SLC24A4: variants seen among roughly 807,000 people sequenced by gnomAD.
SLC24A4 encodes the protein solute carrier family 24 member 4.
A neutral mutation model predicts 79.0 loss-of-function variants in SLC24A4; 53 were observed. That is an observed-to-expected ratio of 0.67 (90% CI 0.54 to 0.84). The LOEUF (loss-of-function observed/expected upper bound fraction) is 0.84. SLC24A4 is among the 40% of genes least tolerant of loss of function. SLC24A4 has a pLI of 0.00. For missense variants in SLC24A4, 731 were observed against 822.0 expected (o/e 0.89, Z 1.35); for synonymous variants, 323 against 323.8 (o/e 1.00, Z 0.03).
At chr14:92,427,205 G>A (rs1891611112) in intron 2 of SLC24A4, among the ~76,000 whole-genome samples, 1 of 152,244 alleles carries the variant, frequency 6.6e-6, no homozygotes, top group African/African-American at 2.4e-5. Flanking sequence ...AGCCATCCAG[G>A]CAGAGGTCAC....
intron 2 of SLC24A4, among the ~76,000 whole-genome samples, chr14:92,334,293 G>A (rs1171330311): frequency 6.6e-6 from 1 of 152,212 alleles, no homozygotes; most frequent in Admixed American, 6.5e-5. Context: ...GGCAGCCTCC[G>A]GAGGGCCAGG....
intron 2 of SLC24A4, among the ~76,000 whole-genome samples, chr14:92,332,301 A>C (rs1201694892): frequency 1.3e-5 from 2 of 152,078 alleles, no homozygotes; most frequent in Non-Finnish European, 2.9e-5. Flanking sequence ...AAAAACAAAA[A>C]ACCAATATGT....
At position 92,495,373 on chromosome 14, in the gene SLC24A4, C is replaced by T. The variant is rs545978535; in HGVS notation, c.*1745C>T. The T allele has an allele frequency of 3.9e-5, 6 of 152,320 alleles. No individual in the cohort carries two copies. The East Asian group carries it at 9.6e-4, about 24-fold the overall frequency. 9.4% of individuals were successfully genotyped at this position (152,320 alleles called of 1,614,324 possible). A position where few individuals can be genotyped will look rare whatever the true frequency, so the allele number is the denominator to read the frequency against. ...ATTAGTATCGTAGCTACACCAAGTT[C>T]AGGCTTCTCTTTTTGTTTTTTTACC... On this transcript the variant is annotated 3_prime_UTR_variant, in exon 17 of 17. Transcript: ENST00000532405.
At chr14:92,332,481 C>T (rs1885537691) in intron 2 of SLC24A4, among the ~76,000 whole-genome samples, 1 of 152,158 alleles carries the variant, frequency 6.6e-6, no homozygotes, top group Non-Finnish European at 1.5e-5. Context: ...CCCAGAGCAA[C>T]AGAGGGAGAC....
At chr14:92,370,953 T>C (rs1252639398) in intron 2 of SLC24A4, among the ~76,000 whole-genome samples, 2 of 152,188 alleles carry the variant, frequency 1.3e-5, no homozygotes, top group Non-Finnish European at 2.9e-5. Context: ...TTCCTCAAAA[T>C]TAGGTGTTCC....
Position 92,433,925 on chromosome 14 carries a change from C to T in SLC24A4, c.255C>T (p.Phe85=), listed in dbSNP as rs868687713. The T allele has an allele frequency of 9.9e-6, 16 of 1,614,114 alleles. No individual in the cohort carries two copies. The highest frequency in any genetic ancestry group is 1.3e-5 in the Non-Finnish European group (15 of 1,179,976). ...KNCTDPAIHE[F]PTDLFSNKER... ...CCTGTCTTCCAGCGATTCACGAGTTCCCCACAGATCTGTTCTCCAATAAGG... is the reference window on the plus strand; with the variant it reads ...CCTGTCTTCCAGCGATTCACGAGTTTCCCACAGATCTGTTCTCCAATAAGG... Residue 85 remains phenylalanine, a synonymous_variant, in exon 3 of 17, where the codon TTC becomes TTT. Transcript: ENST00000532405.
chr14:92,377,029 G>A (rs906178333), intron 2 of SLC24A4, among the ~76,000 whole-genome samples: 1 of 152,288 alleles, frequency 6.6e-6, no homozygotes, highest in African/African-American at 2.4e-5. Context: ...CATCACTGCC[G>A]GTACCATATG....
chr14:92,355,849 C>T (rs919205317), intron 2 of SLC24A4, among the ~76,000 whole-genome samples: 5 of 152,192 alleles, frequency 3.3e-5, no homozygotes, highest in African/African-American at 4.8e-5. Flanking sequence ...TGTTAGAGCT[C>T]GTGCTCTCCC....
intron 12 of SLC24A4, among the ~76,000 whole-genome samples, chr14:92,477,156 A>C (rs1404659810): frequency 6.6e-6 from 1 of 152,228 alleles, no homozygotes; most frequent in East Asian, 1.9e-4. Context: ...TCAGCAATGT[A>C]TGACGGTTCC....
At chr14:92,477,634 T>C (rs1352788702) in intron 12 of SLC24A4, among the ~76,000 whole-genome samples, 2 of 152,132 alleles carry the variant, frequency 1.3e-5, no homozygotes, top group Non-Finnish European at 2.9e-5. Flanking sequence ...TTTGTATTTT[T>C]TGTAGAGATG....
At chr14:92,448,345 T>TACACACACACACACACAC (rs71877757) in intron 9 of SLC24A4, among the ~76,000 whole-genome samples, 9,990 of 131,812 alleles carry the variant, frequency 0.076, 600 homozygotes, top group Admixed American at 0.099. Flanking sequence ...TCCCACTACA[T>TACACACACACACACACAC]ACACACACAC....
intron 2 of SLC24A4, among the ~76,000 whole-genome samples, chr14:92,386,752 A>T (rs1889179060): frequency 1.3e-5 from 2 of 152,346 alleles, no homozygotes; most frequent in South Asian, 4.1e-4. Flanking sequence ...ATGTGTAAGC[A>T]GATTATCTGA....
At chr14:92,368,152 C>T (rs960691101) in intron 2 of SLC24A4, among the ~76,000 whole-genome samples, 1 of 152,172 alleles carries the variant, frequency 6.6e-6, no homozygotes. Context: ...CATCCTAGGG[C>T]AATGAAACCA....
chr14:92,459,842 C>T (rs1166933314), intron 12 of SLC24A4, among the ~76,000 whole-genome samples: 1 of 152,178 alleles, frequency 6.6e-6, no homozygotes, highest in Admixed American at 6.5e-5. Flanking sequence ...CCGCCCCCGA[C>T]AGAAATACCC....
At chr14:92,476,603 C>G (rs1048346033) in intron 12 of SLC24A4, among the ~76,000 whole-genome samples, 10 of 152,084 alleles carry the variant, frequency 6.6e-5, no homozygotes, top group Non-Finnish European at 1.3e-4. Flanking sequence ...TAAACTAATT[C>G]GTGGTTTTTG....
chr14:92,354,193 G>C (rs146362934), intron 2 of SLC24A4, among the ~76,000 whole-genome samples: 1 of 150,154 alleles, frequency 6.7e-6, no homozygotes, highest in African/African-American at 2.5e-5. Flanking sequence ...TTGAGATGGA[G>C]TCTCACTCTG....
In SLC24A4 at chr14:92,449,055, T is replaced by C. The variant is rs1287244895; in HGVS notation, c.738-19T>C. ...ACTCCTTTCCATTGCCCTGACCTCCTGCCTCCCCTCGCTTCCAGGTACAAT... is the reference window on the plus strand; with the variant it reads ...ACTCCTTTCCATTGCCCTGACCTCCCGCCTCCCCTCGCTTCCAGGTACAAT... On this transcript the variant is annotated intron_variant, in intron 9 of 16. Coordinates refer to ENST00000532405, the MANE Select transcript of SLC24A4 (RefSeq NM_153646.4). The C allele has an allele frequency of 1.9e-6, 3 of 1,613,692 alleles. No individual in the cohort carries two copies. In the African/African-American group the frequency reaches 4.0e-5, roughly 22 times the overall value.
At chr14:92,359,656 C>T (rs1401997326) in intron 2 of SLC24A4, among the ~76,000 whole-genome samples, 1 of 151,970 alleles carries the variant, frequency 6.6e-6, no homozygotes, top group Non-Finnish European at 1.5e-5. Context: ...AAAACATAAA[C>T]GTTAAGTATA....
intron 9 of SLC24A4, among the ~76,000 whole-genome samples, chr14:92,447,743 G>A (rs1566774441): frequency 6.6e-6 from 1 of 152,336 alleles, no homozygotes; most frequent in East Asian, 1.9e-4. Flanking sequence ...ATGCCCCAGG[G>A]TAACCACTCA....
Sources: gnomAD v4.1 joint callset for allele counts (sites outside exome capture counted in the v4.1 genomes callset) on GRCh38, gnomAD v4.1.1 for gene constraint, MANE v1.5 for transcripts, NCBI Gene and HGNC (gene_info 2026-07-23, HGNC 2026-07-21) for gene names.